Variants in RELN observed in about 807,000 individuals in gnomAD.
RELN encodes reelin.
In RELN, 108 loss-of-function variants were observed where a neutral mutation model predicts 427.6. The ratio of observed to expected loss-of-function variants is 0.25; its 90% CI spans 0.22 to 0.30. RELN has a LOEUF of 0.30. Among genes scored for constraint, RELN ranks in the 10% least tolerant of loss-of-function variants. The pLI, the probability that RELN is intolerant of heterozygous loss-of-function variation, is 1.00. For synonymous variants in RELN, 1,524 were observed against 1,513.4 expected (o/e 1.01, Z -0.16); for missense variants, 3,715 against 4,302.8 (o/e 0.86, Z 3.82).
intron 20 of RELN, among the ~76,000 whole-genome samples, chr7:103,612,310 C>A (rs1212064369): frequency 2.0e-5 from 3 of 149,820 alleles, no homozygotes; most frequent in African/African-American, 7.6e-5. Flanking sequence ...ATTAAATAAG[C>A]CTTTTTTTTT....
chr7:103,498,060 A>T lies in RELN; in HGVS notation c.8843+17T>A. 1 of 1,613,336 alleles carries T rather than the reference A, an allele frequency of 6.2e-7. No individual in the cohort carries two copies. Among genetic ancestry groups the T allele is most frequent in the South Asian group, 1.1e-5 (1 of 91,054 alleles). On this transcript the variant is annotated intron_variant, in intron 54 of 64. Coordinates refer to ENST00000428762, the MANE Select transcript of RELN (RefSeq NM_005045.4). ...TGCTATGGTGCAATAGAAATAACTA[A>T]CAAAAAATTCACTTACTTTGCACCT...
At chr7:103,849,630 G>C (rs1204211065) in intron 2 of RELN, among the ~76,000 whole-genome samples, 1 of 152,224 alleles carries the variant, frequency 6.6e-6, no homozygotes, top group South Asian at 2.1e-4. Flanking sequence ...GTATATAGTT[G>C]TAAGTACATG....
At chr7:103,743,973 C>G (rs1790745658) in intron 6 of RELN, among the ~76,000 whole-genome samples, 1 of 152,096 alleles carries the variant, frequency 6.6e-6, no homozygotes, top group Non-Finnish European at 1.5e-5. Context: ...CTTTTCAGCA[C>G]CACACCACAC....
chr7:103,776,592 T>A lies in RELN; in HGVS notation c.509A>T (p.Lys170Ile). Residue 170 changes from lysine (K) to isoleucine (I), a missense_variant, in exon 4 of 65, where the codon AAA becomes ATA. Coordinates refer to ENST00000428762, the MANE Select transcript of RELN (RefSeq NM_005045.4). Reference sequence around the variant, plus strand: ...ACACAACTGCTGGGCTAAAGCATCTTTGAAAATAACCTGGCCCCGGTGTGT... The same window carrying A: ...ACACAACTGCTGGGCTAAAGCATCTATGAAAATAACCTGGCCCCGGTGTGT... ...TATHRGQVIF[K>I]DALAQQLCEQ... The A allele has an allele frequency of 6.2e-7, 1 of 1,614,106 alleles. No individual in the cohort carries two copies. The highest frequency in any genetic ancestry group is 1.7e-4 in the Middle Eastern group (1 of 6,060).
At chr7:103,945,699 A>C (rs1393725554) in intron 1 of RELN, among the ~76,000 whole-genome samples, 1 of 152,212 alleles carries the variant, frequency 6.6e-6, no homozygotes, top group African/African-American at 2.4e-5. Flanking sequence ...GAGTACAATC[A>C]AGAGCCACGT....
chr7:103,719,255 A>G (rs1790016141), intron 8 of RELN, among the ~76,000 whole-genome samples: 2 of 152,084 alleles, frequency 1.3e-5, no homozygotes, highest in Non-Finnish European at 2.9e-5. Context: ...GAGGGCACGC[A>G]TGTTCCCCTC....
At chr7:103,899,687 C>A (rs546270226) in intron 2 of RELN, among the ~76,000 whole-genome samples, 1 of 152,214 alleles carries the variant, frequency 6.6e-6, no homozygotes, top group South Asian at 2.1e-4. Context: ...ATAAACAGAA[C>A]CAACGACAAA....
chr7:103,652,484 C>G, intron 14 of RELN, 67 bp downstream of exon 14: 4 of 1,284,984 alleles, frequency 3.1e-6, no homozygotes, highest in Non-Finnish European at 4.5e-6. Context: ...GAAACTACCT[C>G]TTATTTAATA....
chr7:103,525,590 C>T (rs1829805425), intron 46 of RELN, among the ~76,000 whole-genome samples: 1 of 152,102 alleles, frequency 6.6e-6, no homozygotes, highest in African/African-American at 2.4e-5. Context: ...AATTTATTTA[C>T]AGTTATGTCT....
intron 2 of RELN, among the ~76,000 whole-genome samples, chr7:103,834,601 C>T (rs1015049204): frequency 6.6e-6 from 1 of 152,010 alleles, no homozygotes; most frequent in African/African-American, 2.4e-5. Flanking sequence ...AACTCAACAA[C>T]TAAAAAACAA....
At chr7:103,759,722 T>C (rs1423594448) in intron 4 of RELN, among the ~76,000 whole-genome samples, 1 of 152,178 alleles carries the variant, frequency 6.6e-6, no homozygotes, top group Non-Finnish European at 1.5e-5. Flanking sequence ...AACTAATGTA[T>C]TGCTTGTCAT....
intron 8 of RELN, among the ~76,000 whole-genome samples, chr7:103,711,739 C>A (rs1258176202): frequency 6.6e-6 from 1 of 152,194 alleles, no homozygotes; most frequent in Non-Finnish European, 1.5e-5. Context: ...TCACTGCAGG[C>A]TCAACCTCCT....
chr7:103,712,244 T>C (rs1789821937), intron 8 of RELN, among the ~76,000 whole-genome samples: 1 of 151,844 alleles, frequency 6.6e-6, no homozygotes, highest in Non-Finnish European at 1.5e-5. Flanking sequence ...TTTACCGTAA[T>C]ATACATGTAA....
chr7:103,664,230 A>G (rs1038971067), intron 11 of RELN, among the ~76,000 whole-genome samples: 1 of 152,236 alleles, frequency 6.6e-6, no homozygotes, highest in East Asian at 1.9e-4. Flanking sequence ...ATAGACATTT[A>G]GGTCATTTCT....
rs190281797 is a variant in RELN at position 103,847,206 on chromosome 7, T to C, written c.338-13534A>G. Among the ~76,000 whole-genome samples the C allele has an allele frequency of 2.2e-3, 331 of 152,296 alleles. 1 individual carries two copies. Among genetic ancestry groups the C allele is most frequent in the African/African-American group, 7.3e-3 (303 of 41,572 alleles). On this transcript the variant is annotated intron_variant, in intron 2 of 64. Transcript: ENST00000428762. ...AATGATAGACTGGATAAAGAAAATG[T>C]GGCACATATACACCTGGAATACTAT...
intron 2 of RELN, among the ~76,000 whole-genome samples, chr7:103,839,425 A>G (rs1008487825): frequency 2.6e-5 from 4 of 151,286 alleles, no homozygotes; most frequent in South Asian, 4.2e-4. Context: ...AAATCCATTG[A>G]TCTAAAATCA....
chr7:103,508,928 T>C (rs997202303), intron 51 of RELN, among the ~76,000 whole-genome samples: 1 of 152,076 alleles, frequency 6.6e-6, no homozygotes, highest in Non-Finnish European at 1.5e-5. Flanking sequence ...TACTTAGGAA[T>C]AATACAACTT....
chr7:103,613,287 C>A (rs1420347215), intron 20 of RELN, among the ~76,000 whole-genome samples: 1 of 152,118 alleles, frequency 6.6e-6, no homozygotes, highest in Non-Finnish European at 1.5e-5. Flanking sequence ...AGAAAAAACA[C>A]TGCAGTTTGG....
At chr7:103,883,719 C>A (rs750662191) in intron 2 of RELN, among the ~76,000 whole-genome samples, 3 of 152,150 alleles carry the variant, frequency 2.0e-5, no homozygotes. Flanking sequence ...AGGAATACAA[C>A]TTACATGGGA....
Sources: allele counts gnomAD v4.1 joint callset (sites outside exome capture counted in the v4.1 genomes callset), GRCh38; gene constraint gnomAD v4.1.1; transcripts MANE v1.5; gene names NCBI Gene and HGNC (gene_info 2026-07-23, HGNC 2026-07-21).